Variants in ADAMTS15 observed in about 807,000 individuals in gnomAD.
The protein encoded by ADAMTS15 is A disintegrin and metalloproteinase with thrombospondin motifs 15.
In ADAMTS15, 35 loss-of-function variants were observed where a neutral mutation model predicts 79.1. The observed-to-expected ratio is 0.44, with a 90% CI of 0.34 to 0.59. The LOEUF is 0.59. ADAMTS15 is among the 20% of genes least tolerant of loss of function. ADAMTS15 has a pLI of 0.02. For missense variants in ADAMTS15, 1,324 were observed against 1,318.7 expected (o/e 1.00, Z -0.06); for synonymous variants, 616 against 567.3 (o/e 1.09, Z -1.22).
At position 130,473,507 on chromosome 11, in the gene ADAMTS15, A is replaced by G. The variant is rs1463272121; in HGVS notation, c.2539A>G (p.Ser847Gly). 6.2e-7 allele frequency: 1 copy of G among 1,610,096 alleles called. No individual in the cohort carries two copies. The highest frequency in any genetic ancestry group is 1.7e-5 in the Admixed American group (1 of 59,946). Reference protein sequence around the residue: ...DRPPARWVAGSWGPCSASCGS... With the variant: ...DRPPARWVAGGWGPCSASCGS... ...GCCCCCTGCACGCTGGGTGGCTGGC[A>G]GCTGGGGGCCGTGCTCCGCGAGCTG... The change falls in exon 8 of 8, where the codon AGC (serine) becomes GGC (glycine). Residue 847 changes from serine to glycine, a missense_variant. Coordinates refer to ENST00000299164, the MANE Select transcript of ADAMTS15 (RefSeq NM_139055.4).
At chr11:130,460,389 G>A (rs534367009) in intron 1 of ADAMTS15, among the ~76,000 whole-genome samples, 31 of 151,544 alleles carry the variant, frequency 2.0e-4, no homozygotes, top group African/African-American at 6.8e-4. Flanking sequence ...CGATTCTCCT[G>A]CCTCAGCCTC....
chr11:130,451,305 T>G (rs1753936270), intron 1 of ADAMTS15, among the ~76,000 whole-genome samples: 1 of 152,202 alleles, frequency 6.6e-6, no homozygotes, highest in South Asian at 2.1e-4. Context: ...AGTCTGGAGC[T>G]GGAGTCTTCC....
intron 5 of ADAMTS15, among the ~76,000 whole-genome samples, chr11:130,470,160 A>ATATATATATG (rs1565397669): frequency 2.1e-4 from 12 of 57,292 alleles, no homozygotes; most frequent in African/African-American, 1.0e-3. Flanking sequence ...ATGTGTATAT[A>ATATATATATG]TATATATATA....
chr11:130,473,523 C>T lies in ADAMTS15; in HGVS notation c.2555C>T (p.Ser852Phe). 6.2e-7 allele frequency: 1 copy of T among 1,608,128 alleles called. No individual in the cohort carries two copies. Among genetic ancestry groups the T allele is most frequent in the Non-Finnish European group, 8.5e-7 (1 of 1,176,824 alleles). ...GTGGCTGGCAGCTGGGGGCCGTGCT[C>T]CGCGAGCTGCGGCAGTGGCCTGCAG... ...RWVAGSWGPC[S>F]ASCGSGLQKR... The change falls in exon 8 of 8, where the codon TCC (serine) becomes TTC (phenylalanine). Residue 852 changes from serine to phenylalanine, a missense_variant. Transcript: ENST00000299164.
Position 130,471,404 on chromosome 11 carries a change from G to T in ADAMTS15, c.2078+21G>T, listed in dbSNP as rs550232594. ...CCCATGTGAGTTCTGGGCCCTGAAG[G>T]TCCTGCCAGGGAGCAAAGGGAGGGA... On this transcript the variant is annotated intron_variant, in intron 7 of 7. Transcript: ENST00000299164. The T allele has an allele frequency of 2.5e-6, 4 of 1,591,184 alleles. No individual in the cohort carries two copies. The African/African-American group carries it at 5.5e-5, about 22-fold the overall frequency.
intron 4 of ADAMTS15, among the ~76,000 whole-genome samples, chr11:130,465,734 A>T (rs555883545): frequency 1.3e-5 from 2 of 151,428 alleles, no homozygotes. Context: ...ATTTCTGGCA[A>T]CCCAGAGCTC....
chr11:130,468,183 C>T (rs78586354), intron 4 of ADAMTS15, among the ~76,000 whole-genome samples: 7,760 of 152,214 alleles, frequency 0.051, 601 homozygotes, highest in African/African-American at 0.17. Flanking sequence ...TGGGAATTTT[C>T]GTGCCTGTTA....
At chr11:130,470,164 A>ATATATATATGTG (rs1938407447) in intron 5 of ADAMTS15, among the ~76,000 whole-genome samples, 1 of 58,248 alleles carries the variant, frequency 1.7e-5, no homozygotes, top group African/African-American at 1.0e-4. Context: ...GTATATATAT[A>ATATATATATGTG]TATATATATA....
At position 130,462,939 on chromosome 11, in the gene ADAMTS15, A is replaced by G. The variant is rs926417554; in HGVS notation, c.1542+159A>G. On this transcript the variant is annotated intron_variant, in intron 4 of 7. Coordinates refer to ENST00000299164, the MANE Select transcript of ADAMTS15 (RefSeq NM_139055.4). This position sits in a 1 kb window ranked among gnomAD's most constrained non-coding sequence, Gnocchi z 4.3. ...CTGAGCTGTGCCTTCACTGCCCTGT[A>G]TATAGTCCTATCCCCTTCTTGACTC... Among the ~76,000 whole-genome samples the G allele has an allele frequency of 6.6e-6, 1 of 152,208 alleles. No individual in the cohort carries two copies. The highest frequency in any genetic ancestry group is 2.4e-5 in the African/African-American group (1 of 41,416).
chr11:130,470,150 A>ATG lies in ADAMTS15; in HGVS notation c.1720+715_1720+716dup, dbSNP rs869120648. Among the ~76,000 whole-genome samples the ATG allele has an allele frequency of 4.7e-4, 25 of 53,180 alleles. 3 individuals are homozygous for ATG. Among genetic ancestry groups the ATG allele is most frequent in the South Asian group, 1.7e-3 (3 of 1,754 alleles). 34.9% of individuals were successfully genotyped at this position (53,180 alleles called of 152,430 possible). A position where few individuals can be genotyped will look rare whatever the true frequency, so the allele number is the denominator to read the frequency against. On this transcript the variant is annotated intron_variant, in intron 5 of 7. Coordinates refer to ENST00000299164, the MANE Select transcript of ADAMTS15 (RefSeq NM_139055.4). ...TATATATACATATATATATATATAT[A>ATG]TGTGTATATATATATATATATATAT...
At position 130,472,821 on chromosome 11, in the gene ADAMTS15, T is replaced by G. The variant is rs1938484896; in HGVS notation, c.2079-226T>G. Among the ~76,000 whole-genome samples, 1 of 152,208 alleles carries G rather than the reference T, an allele frequency of 6.6e-6. No individual in the cohort carries two copies. The highest frequency in any genetic ancestry group is 1.5e-5 in the Non-Finnish European group (1 of 68,038). The stretch of plus-strand genomic sequence containing the variant: ...TGCAATTCAGTGAGGTGTGTGGAAT[T>G]CTGAGCTCCACTTTACAGGTGAGGA... On this transcript the variant is annotated intron_variant, in intron 7 of 7. Transcript: ENST00000299164. The surrounding 1 kb of genome is among the most constrained non-coding windows in gnomAD (Gnocchi z 4.7).
intron 1 of ADAMTS15, among the ~76,000 whole-genome samples, chr11:130,456,142 C>T (rs528375304): frequency 6.6e-6 from 1 of 152,232 alleles, no homozygotes; most frequent in South Asian, 2.1e-4. Context: ...ATAATGGCAT[C>T]TTCTTCCTAC....
chr11:130,451,344 C>T (rs1937956785), intron 1 of ADAMTS15, among the ~76,000 whole-genome samples: 1 of 152,210 alleles, frequency 6.6e-6, no homozygotes, highest in African/African-American at 2.4e-5. Flanking sequence ...CAGCTAGTCC[C>T]TTCCTGGAGT....
intron 5 of ADAMTS15, among the ~76,000 whole-genome samples, chr11:130,469,687 C>T (rs1321104407): frequency 6.6e-6 from 1 of 152,180 alleles, no homozygotes; most frequent in Non-Finnish European, 1.5e-5. Flanking sequence ...CCTCTTTCCA[C>T]TCACCTTTGG....
At position 130,473,594 on chromosome 11, in the gene ADAMTS15, C is replaced by G. The variant is rs867379388; in HGVS notation, c.2626C>G (p.Pro876Ala). Residue 876 changes from proline (P) to alanine (A), a missense_variant, in exon 8 of 8, where the codon CCT becomes GCT. Transcript: ENST00000299164. ...CRGSAGQRTV[P>A]ACDAAHRPVE... ...GGGCTCCGCCGGGCAGCGCACGGTC[C>G]CTGCCTGTGATGCAGCCCATCGGCC... The G allele has an allele frequency of 6.2e-7, 1 of 1,609,684 alleles. No homozygotes were observed. The highest frequency in any genetic ancestry group is 8.5e-7 in the Non-Finnish European group (1 of 1,178,764).
At chr11:130,469,492 G>A in intron 5 of ADAMTS15, 53 bp downstream of exon 5, 2 of 1,270,596 alleles carry the variant, frequency 1.6e-6, no homozygotes, top group South Asian at 6.6e-5. Context: ...GAGGCTGGAG[G>A]TCCCCCCACC....
chr11:130,470,133 CATATATATATATATATATGTGTATAT>C (rs1938394299), intron 5 of ADAMTS15, among the ~76,000 whole-genome samples: 3 of 74,818 alleles, frequency 4.0e-5, no homozygotes, highest in East Asian at 4.2e-4. Context: ...TATATATATA[CATATATATATATATATATGTGTATAT>C]ATATATATAT....
intron 1 of ADAMTS15, 52 bp from the exon 2 acceptor site, chr11:130,461,437 C>T (rs1025639272): frequency 3.1e-6 from 5 of 1,612,618 alleles, no homozygotes; most frequent in East Asian, 4.5e-5. Context: ...CAGGTCCCTT[C>T]TGTCACTGTC....
rs770973237 is a variant in ADAMTS15 at position 130,471,246 on chromosome 11, C to T, written c.1941C>T (p.Ser647=). 2.9e-5 allele frequency: 47 copies of T among 1,609,186 alleles called. No individual in the cohort carries two copies. The Middle Eastern group carries it at 5.0e-4, about 17-fold the overall frequency. The part of the protein sequence containing the change: ...DGTLCSPDST[S]VCVQGKCIKA... ...CGCTGTGCTCTCCTGACTCCACCTC[C>T]GTCTGTGTCCAAGGCAAGTGCATCA... The change falls in exon 7 of 8, where the codon TCC becomes TCT. Residue 647 remains serine (S), a synonymous_variant. Coordinates refer to ENST00000299164, the MANE Select transcript of ADAMTS15 (RefSeq NM_139055.4).
Sources: allele counts gnomAD v4.1 joint callset (sites outside exome capture counted in the v4.1 genomes callset), GRCh38; gene constraint gnomAD v4.1.1; non-coding constraint Gnocchi (gnomAD v3.1); transcripts MANE v1.5; gene names NCBI Gene and HGNC (gene_info 2026-07-23, HGNC 2026-07-21).